Variants in SEMA6D observed in about 807,000 individuals in gnomAD.
SEMA6D encodes the protein semaphorin-6D.
SEMA6D carries 35 observed loss-of-function variants against 106.6 expected under a neutral mutation model. The ratio of observed to expected loss-of-function variants is 0.33; its 90% CI spans 0.25 to 0.44. SEMA6D has a LOEUF of 0.44. Among genes scored for constraint, SEMA6D ranks in the 20% least tolerant of loss-of-function variants. The probability of loss-of-function intolerance (pLI) is 1.00; values close to 1 mark genes in which losing one functional copy is unlikely to be tolerated. For synonymous variants in SEMA6D, 499 were observed against 487.7 expected (o/e 1.02, Z -0.31); for missense variants, 1,185 against 1,345.9 (o/e 0.88, Z 1.87).
intron 4 of SEMA6D, among the ~76,000 whole-genome samples, chr15:47,660,213 G>A (rs577142491): frequency 1.3e-4 from 19 of 151,700 alleles, no homozygotes; most frequent in African/African-American, 1.7e-4. Context: ...AAAAACCTGA[G>A]AAATAGGTAA....
At chr15:47,674,854 G>T (rs897046374) in intron 4 of SEMA6D, among the ~76,000 whole-genome samples, 1 of 152,114 alleles carries the variant, frequency 6.6e-6, no homozygotes, top group African/African-American at 2.4e-5. Flanking sequence ...GATTCACTGC[G>T]CATCCGAATC....
At chr15:47,508,814 G>A (rs141831839) in intron 3 of SEMA6D, among the ~76,000 whole-genome samples, 97 of 152,296 alleles carry the variant, frequency 6.4e-4, no homozygotes, top group African/African-American at 2.3e-3. Flanking sequence ...TTGTGATCTT[G>A]TCATGTTTCT....
At chr15:47,714,268 T>G (rs1481375759), upstream of SEMA6D, among the ~76,000 whole-genome samples, 1 of 152,178 alleles carries the variant, frequency 6.6e-6, no homozygotes, top group Non-Finnish European at 1.5e-5. Flanking sequence ...AACTCCTACT[T>G]GCTTACTACT....
At chr15:47,620,430 A>G (rs895001932) in intron 4 of SEMA6D, among the ~76,000 whole-genome samples, 3 of 152,164 alleles carry the variant, frequency 2.0e-5, no homozygotes, top group Non-Finnish European at 2.9e-5. Context: ...TATCAAGACA[A>G]TGGGGACTTG....
Position 47,770,931 on chromosome 15 carries a change from A to T in SEMA6D, c.2368A>T (p.Ser790Cys), listed in dbSNP as rs765125342. The T allele has an allele frequency of 6.2e-7, 1 of 1,614,094 alleles. No homozygotes were observed. Among genetic ancestry groups the T allele is most frequent in the Admixed American group, 1.7e-5 (1 of 60,004 alleles). Residue 790 changes from serine to cysteine, a missense_variant, in exon 19 of 19, where the codon AGC becomes TGC. Around this residue, in one of 3 missense-constraint regions of SEMA6D, gnomAD observed 750 missense variants for 783.5 expected, o/e 0.96. Coordinates refer to ENST00000536845, the MANE Select transcript of SEMA6D (RefSeq NM_001358351.3). ...LHQKTLQAMK[S>C]HSEKAHGHGA... ...CCAGAAGACCCTGCAGGCCATGAAG[A>T]GCCACTCAGAAAAGGCCCATGGCCA... is the stretch of plus-strand genomic sequence containing the variant.
chr15:47,228,436 G>C (rs1033202980), intron 1 of SEMA6D, among the ~76,000 whole-genome samples: 1 of 150,574 alleles, frequency 6.6e-6, no homozygotes, highest in East Asian at 2.0e-4. Flanking sequence ...GATGTTAAAT[G>C]ATAGCTCTGT....
chr15:47,540,191 A>G (rs1042024868), intron 3 of SEMA6D, among the ~76,000 whole-genome samples: 2 of 152,172 alleles, frequency 1.3e-5, no homozygotes, highest in Non-Finnish European at 2.9e-5. Flanking sequence ...CTGATTCTTA[A>G]TAAGAACTTT....
chr15:47,637,940 C>G (rs973790289), intron 4 of SEMA6D, among the ~76,000 whole-genome samples: 2 of 152,096 alleles, frequency 1.3e-5, no homozygotes, highest in Non-Finnish European at 2.9e-5. Flanking sequence ...CAGACCATAA[C>G]TAAAATAATA....
intron 2 of SEMA6D, among the ~76,000 whole-genome samples, chr15:47,453,267 A>G (rs1433623117): frequency 2.0e-5 from 3 of 151,868 alleles, no homozygotes; most frequent in Admixed American, 6.6e-5. Flanking sequence ...TTTAAATAAA[A>G]ATGACTTAAG....
chr15:47,404,879 C>T (rs553045614), intron 1 of SEMA6D, among the ~76,000 whole-genome samples: 32 of 152,248 alleles, frequency 2.1e-4, no homozygotes, highest in Non-Finnish European at 3.5e-4. Flanking sequence ...CTCCAGAAAT[C>T]TGTAGTTTCA....
Position 47,766,924 on chromosome 15 carries a change from A to G in SEMA6D, c.1709-113A>G, listed in dbSNP as rs904723048. ...GAGGTAGTCTAACCAGTAGGTTAAT[A>G]TTTTTAATTTATAGTCTTTTTTTTT... On this transcript the variant is annotated intron_variant, in intron 16 of 18. Transcript: ENST00000536845. 2.1e-4 allele frequency: 140 copies of G among 654,930 alleles called. No individual in the cohort carries two copies. The Middle Eastern group carries it at 3.0e-3, about 14-fold the overall frequency. The allele number at this position is 654,930 out of a possible 1,614,324, so 40.6% of individuals were successfully genotyped here.
chr15:47,208,317 A>G (rs190185720), intron 1 of SEMA6D, among the ~76,000 whole-genome samples: 111 of 152,286 alleles, frequency 7.3e-4, no homozygotes, highest in African/African-American at 2.5e-3. Flanking sequence ...TATTATCACT[A>G]TAATAAGGAA....
intron 1 of SEMA6D, among the ~76,000 whole-genome samples, chr15:47,246,140 A>C (rs2033183564): frequency 6.6e-6 from 1 of 152,170 alleles, no homozygotes; most frequent in Admixed American, 6.5e-5. Context: ...TTTACCCCAG[A>C]CTTAAAATAA....
chr15:47,742,482 A>C (rs554656497), intron 1 of SEMA6D, among the ~76,000 whole-genome samples: 8 of 152,294 alleles, frequency 5.3e-5, no homozygotes, highest in Admixed American at 1.3e-4. Context: ...GCTGAAAGAC[A>C]GTAAGCAGAA....
intron 3 of SEMA6D, among the ~76,000 whole-genome samples, chr15:47,483,150 C>T (rs1414828586): frequency 6.6e-6 from 1 of 152,106 alleles, no homozygotes; most frequent in Non-Finnish European, 1.5e-5. Context: ...AATTTGGAGT[C>T]ATTCATTTAT....
chr15:47,716,187 A>C (rs143497879), upstream of SEMA6D, among the ~76,000 whole-genome samples: 80 of 152,316 alleles, frequency 5.3e-4, 1 homozygote, highest in East Asian at 0.015. Flanking sequence ...GAAGAACAGC[A>C]GGAAAGAGTC....
intron 1 of SEMA6D, among the ~76,000 whole-genome samples, chr15:47,394,380 A>G (rs528890257): frequency 8.5e-5 from 13 of 152,310 alleles, no homozygotes; most frequent in Admixed American, 2.0e-4. Context: ...TCTTTTCTCA[A>G]TTACATTTAA....
At chr15:47,696,345 T>C (rs1263699502) in intron 4 of SEMA6D, among the ~76,000 whole-genome samples, 6 of 152,090 alleles carry the variant, frequency 3.9e-5, no homozygotes, top group African/African-American at 1.4e-4. Context: ...AGCAATGGGG[T>C]TTCTTGCTAA....
intron 1 of SEMA6D, among the ~76,000 whole-genome samples, chr15:47,385,695 C>A (rs1032386796): frequency 2.0e-5 from 3 of 151,504 alleles, no homozygotes; most frequent in Non-Finnish European, 4.4e-5. Flanking sequence ...TTAAAAAAAA[C>A]AAGAATTATC....
Sources: allele counts gnomAD v4.1 joint callset (sites outside exome capture counted in the v4.1 genomes callset), GRCh38; gene constraint gnomAD v4.1.1; regional missense constraint gnomAD v4.1.1; transcripts MANE v1.5; gene names NCBI Gene and HGNC (gene_info 2026-07-23, HGNC 2026-07-21).